Variants in MEF2C observed in about 807,000 individuals in gnomAD.
MEF2C encodes the protein myocyte enhancer factor 2C.
MEF2C carries 6 observed loss-of-function variants against 50.5 expected under a neutral mutation model. The ratio of observed to expected loss-of-function variants is 0.12; its 90% CI spans 0.07 to 0.23. The LOEUF is 0.23. Ranked by LOEUF, MEF2C falls within the 10% of genes least tolerant of loss-of-function variation. MEF2C has a pLI of 1.00. For missense variants in MEF2C, 276 were observed against 605.0 expected, an observed-to-expected ratio of 0.46 and a Z score of 5.70; for synonymous variants, 183 against 228.0, an observed-to-expected ratio of 0.80 and a Z score of 1.78.
At chr5:88,780,492 T>C (rs936642093) in intron 3 of MEF2C, among the ~76,000 whole-genome samples, 3 of 152,196 alleles carry the variant, frequency 2.0e-5, no homozygotes, top group African/African-American at 7.2e-5. Flanking sequence ...GCGATATACA[T>C]TGTGGGTATG....
intron 6 of MEF2C, chr5:88,737,636 G>A: frequency 1.0e-6 from 1 of 985,374 alleles, no homozygotes; most frequent in East Asian, 1.1e-4. Flanking sequence ...TATTAAGAGT[G>A]AACAGGAATT....
chr5:88,823,657 A>G (rs1226539581), intron 2 of MEF2C, 78 bp downstream of exon 2: 2 of 1,316,860 alleles, frequency 1.5e-6, no homozygotes, highest in Non-Finnish European at 2.1e-6. Context: ...CAGATTCAAG[A>G]TATTTTCTGT....
chr5:88,880,856 CTG>C (rs1476543275), intron 1 of MEF2C: 1 of 152,060 alleles, frequency 6.6e-6, no homozygotes, highest in Admixed American at 6.5e-5. Flanking sequence ...AGGTGGAAAA[CTG>C]TTTTTATTAT....
intron 1 of MEF2C, among the ~76,000 whole-genome samples, chr5:88,848,550 A>C (rs932781504): frequency 6.6e-6 from 1 of 152,202 alleles, no homozygotes; most frequent in African/African-American, 2.4e-5. Context: ...AAGCTGAGGC[A>C]CATTTTGAAA....
rs74955997 is a variant in MEF2C at position 88,802,032 on chromosome 5, A to G, written c.258+2566T>C. On this transcript the variant is annotated intron_variant, in intron 3 of 10. Transcript: ENST00000504921. Reference sequence around the variant, plus strand: ...GGGAGTTGAACAGGACGGACCCACAATGTGTTAGACTTACATGTTATGTTC... The same window carrying G: ...GGGAGTTGAACAGGACGGACCCACAGTGTGTTAGACTTACATGTTATGTTC... Among the ~76,000 whole-genome samples the G allele has an allele frequency of 5.3e-5, 8 of 152,322 alleles. 1 individual carries two copies. The East Asian group carries it at 7.7e-4, about 15-fold the overall frequency.
intron 6 of MEF2C, chr5:88,735,292 G>A (rs773926033): frequency 5.1e-6 from 5 of 985,182 alleles, no homozygotes; most frequent in African/African-American, 3.5e-5. Context: ...TCAGGGGTCC[G>A]GGAGGTGGGA....
At chr5:88,766,516 G>T in intron 3 of MEF2C, 2 of 356,754 alleles carry the variant, frequency 5.6e-6, no homozygotes, top group Non-Finnish European at 7.8e-6. Flanking sequence ...TGCTATTTAA[G>T]TAAAATTCAG....
chr5:88,742,484 T>C, intron 6 of MEF2C: 1 of 979,498 alleles, frequency 1.0e-6, no homozygotes, highest in Non-Finnish European at 1.2e-6. Context: ...GAAACCAATC[T>C]TCACAGTACT....
At chr5:88,833,646 T>C (rs955732987) in intron 1 of MEF2C, among the ~76,000 whole-genome samples, 9 of 152,080 alleles carry the variant, frequency 5.9e-5, no homozygotes, top group Non-Finnish European at 1.3e-4. Flanking sequence ...AATTAACATA[T>C]GTTAGAAAAA....
intron 3 of MEF2C, among the ~76,000 whole-genome samples, chr5:88,779,969 A>AC (rs1787040873): frequency 1.3e-5 from 2 of 151,304 alleles, no homozygotes; most frequent in African/African-American, 4.9e-5. Flanking sequence ...AGATGGTGAA[A>AC]CCCCCTCTCT....
chr5:88,769,860 G>T (rs895570357), intron 3 of MEF2C: 2 of 597,094 alleles, frequency 3.3e-6, no homozygotes, highest in Non-Finnish European at 4.2e-6. Flanking sequence ...TGTCCAGGCT[G>T]GTCTTGAACT....
intron 1 of MEF2C, among the ~76,000 whole-genome samples, chr5:88,869,322 T>C (rs1828773621): frequency 7.1e-6 from 1 of 141,618 alleles, no homozygotes; most frequent in Non-Finnish European, 1.5e-5. Flanking sequence ...TATACACATA[T>C]AGCTTCATTT....
At chr5:88,810,887 C>T (rs1464917058) in intron 2 of MEF2C, among the ~76,000 whole-genome samples, 1 of 152,034 alleles carries the variant, frequency 6.6e-6, no homozygotes, top group Admixed American at 6.6e-5. Context: ...ATAGCGCCTT[C>T]TACAGCCTTT....
At chr5:88,864,099 G>A (rs948934139) in intron 1 of MEF2C, among the ~76,000 whole-genome samples, 4 of 150,888 alleles carry the variant, frequency 2.7e-5, no homozygotes, top group Non-Finnish European at 4.4e-5. Flanking sequence ...TGGGATTATG[G>A]GATTACAGGC....
chr5:88,891,573 T>C (rs1237546092), intron 1 of MEF2C, among the ~76,000 whole-genome samples: 1 of 151,746 alleles, frequency 6.6e-6, no homozygotes, highest in African/African-American at 2.4e-5. Context: ...CAGCTAATAT[T>C]TTCTTTTTTT....
chr5:88,890,310 T>C (rs1403754438), intron 1 of MEF2C, among the ~76,000 whole-genome samples: 1 of 152,066 alleles, frequency 6.6e-6, no homozygotes, highest in East Asian at 1.9e-4. Context: ...AGGGGAACGG[T>C]TCTGGGATGT....
chr5:88,870,608 A>G (rs1225862842), intron 1 of MEF2C, among the ~76,000 whole-genome samples: 2 of 152,116 alleles, frequency 1.3e-5, no homozygotes, highest in Admixed American at 6.6e-5. Context: ...CATGATGAAC[A>G]TCATCCAACC....
At chr5:88,903,355 T>C (rs1219696805) in intron 1 of MEF2C, among the ~76,000 whole-genome samples, 1 of 151,904 alleles carries the variant, frequency 6.6e-6, no homozygotes, top group Non-Finnish European at 1.5e-5. Context: ...TTTATTTAAT[T>C]ATTAAACATG....
chr5:88,804,854 GT>G (rs765986750), intron 2 of MEF2C, 53 bp from the exon 3 acceptor site: 44 of 1,457,948 alleles, frequency 3.0e-5, no homozygotes, highest in East Asian at 7.1e-5. Context: ...TGCATGTGTG[GT>G]TTTTTTCTTT....
Sources: gnomAD v4.1 joint callset for allele counts (sites outside exome capture counted in the v4.1 genomes callset) on GRCh38, gnomAD v4.1.1 for gene constraint, MANE v1.5 for transcripts, NCBI Gene and HGNC (gene_info 2026-07-23, HGNC 2026-07-21) for gene names.